The following AGPS variants were observed in gnomAD, a reference collection of about 807,000 sequenced individuals.
The protein encoded by AGPS is alkyldihydroxyacetonephosphate synthase, peroxisomal.
A neutral mutation model predicts 90.7 loss-of-function variants in AGPS; 26 were observed. The ratio of observed to expected loss-of-function variants is 0.29; its 90% CI spans 0.21 to 0.40. The LOEUF (loss-of-function observed/expected upper bound fraction) is 0.40. AGPS is among the 10% of genes least tolerant of loss of function. The pLI, the probability that AGPS is intolerant of heterozygous loss-of-function variation, is 1.00. For synonymous variants in AGPS, 294 were observed against 285.3 expected, an observed-to-expected ratio of 1.03 and a Z score of -0.31; for missense variants, 540 against 816.1, an observed-to-expected ratio of 0.66 and a Z score of 4.12.
chr2:177,437,520 G>A (rs547423762), intron 5 of AGPS, among the ~76,000 whole-genome samples: 2 of 152,198 alleles, frequency 1.3e-5, no homozygotes, highest in East Asian at 3.9e-4. Context: ...ATTAAATTTT[G>A]AGTAATTATT....
chr2:177,533,818 C>G (rs953447386), intron 19 of AGPS, among the ~76,000 whole-genome samples: 3 of 152,146 alleles, frequency 2.0e-5, no homozygotes, highest in African/African-American at 2.4e-5. Context: ...TCAGATCACT[C>G]GTATAAGCAG....
chr2:177,494,513 A>G (rs1226861355), intron 12 of AGPS, among the ~76,000 whole-genome samples: 1 of 152,152 alleles, frequency 6.6e-6, no homozygotes, highest in Non-Finnish European at 1.5e-5. Context: ...TTTATATGTT[A>G]TTGTTGTTGT....
chr2:177,468,501 A>G lies in AGPS; in HGVS notation c.1082A>G (p.His361Arg). 1 of 1,611,534 alleles carries G rather than the reference A, an allele frequency of 6.2e-7. No individual in the cohort carries two copies. The highest frequency in any genetic ancestry group is 1.3e-5 in the African/African-American group (1 of 75,002). Residue 361 changes from histidine (H) to arginine (R), a missense_variant, in exon 10 of 20, where the codon CAT (histidine) becomes CGT (arginine). Coordinates refer to ENST00000264167, the MANE Select transcript of AGPS (RefSeq NM_003659.4). ...CGTATGTCAACAGGCCCTGATATCC[A>G]TCACTTCATCATGGGATCTGAAGGT... The part of the protein sequence containing the change: ...GPRMSTGPDI[H>R]HFIMGSEGTL...
intron 19 of AGPS, among the ~76,000 whole-genome samples, chr2:177,531,634 T>C (rs571859435): frequency 1.2e-3 from 179 of 152,262 alleles, no homozygotes; most frequent in African/African-American, 4.1e-3. Context: ...TTTAAATAGA[T>C]ATAGAAAATA....
intron 1 of AGPS, among the ~76,000 whole-genome samples, chr2:177,414,237 C>G (rs1362919242): frequency 6.6e-6 from 1 of 151,922 alleles, no homozygotes; most frequent in African/African-American, 2.4e-5. Flanking sequence ...GAGACAGGAC[C>G]TCACTCTGTC....
At chr2:177,489,179 G>C (rs1016925205) in intron 11 of AGPS, among the ~76,000 whole-genome samples, 4 of 151,404 alleles carry the variant, frequency 2.6e-5, no homozygotes, top group Non-Finnish European at 4.4e-5. Flanking sequence ...CCGCCTCCCG[G>C]GTTCATGCCA....
At chr2:177,483,420 G>A (rs1197437277) in intron 11 of AGPS, among the ~76,000 whole-genome samples, 1 of 152,108 alleles carries the variant, frequency 6.6e-6, no homozygotes, top group Non-Finnish European at 1.5e-5. Context: ...ACCAGCTGAT[G>A]TGGTAATTTT....
intron 10 of AGPS, among the ~76,000 whole-genome samples, chr2:177,469,011 C>T (rs929064327): frequency 1.3e-5 from 2 of 152,002 alleles, no homozygotes; most frequent in Admixed American, 6.5e-5. Flanking sequence ...TTTCACTACA[C>T]AAATAGTATC....
intron 8 of AGPS, among the ~76,000 whole-genome samples, chr2:177,458,033 A>C (rs1249854921): frequency 6.6e-6 from 1 of 152,240 alleles, no homozygotes; most frequent in East Asian, 1.9e-4. Flanking sequence ...GGCTGGTTCA[A>C]CATATGCAAA....
intron 17 of AGPS, among the ~76,000 whole-genome samples, chr2:177,516,271 G>A: frequency 6.6e-6 from 1 of 151,952 alleles, no homozygotes; most frequent in African/African-American, 2.4e-5. Context: ...AATGTACTTT[G>A]TACATTGGAA....
rs747252484 is a variant in AGPS, at chr2:177,538,059, A to T, written c.1856-15A>T. 7.4e-6 allele frequency: 12 copies of T among 1,612,594 alleles called. No individual in the cohort carries two copies. The African/African-American group carries it at 1.6e-4, about 22-fold the overall frequency. On this transcript the variant is annotated splice_polypyrimidine_tract_variant and intron_variant, in intron 19 of 19. Transcript: ENST00000264167. ...CATAGCATATATTGAAGCATTTTTGATTTTGTTTTTCCAGTGGGCAAGTTA... is the reference window on the plus strand; with the variant it reads ...CATAGCATATATTGAAGCATTTTTGTTTTTGTTTTTCCAGTGGGCAAGTTA...
chr2:177,441,758 C>G (rs550865734), intron 6 of AGPS, among the ~76,000 whole-genome samples: 2 of 152,262 alleles, frequency 1.3e-5, no homozygotes, highest in South Asian at 2.1e-4. Flanking sequence ...GAACAGAGAA[C>G]ATTGTTTTGT....
rs1186035288 is a variant in AGPS, at chr2:177,480,398, T to C, written c.1106-1661T>C. On this transcript the variant is annotated intron_variant, in intron 10 of 19. Coordinates refer to ENST00000264167, the MANE Select transcript of AGPS (RefSeq NM_003659.4). Reference sequence around the variant, plus strand: ...TACACCATGGAATACTATGCAGCCATAAAAAATGATGAGTTCATGTCCTTT... The same window carrying C: ...TACACCATGGAATACTATGCAGCCACAAAAAATGATGAGTTCATGTCCTTT... Among the ~76,000 whole-genome samples, 8 of 152,210 alleles carry C rather than the reference T, an allele frequency of 5.3e-5. No homozygotes were observed. In the East Asian group the frequency reaches 1.5e-3, roughly 29 times the overall value.
intron 1 of AGPS, among the ~76,000 whole-genome samples, chr2:177,409,202 C>CA (rs1300160356): frequency 1.4e-4 from 20 of 147,554 alleles, no homozygotes; most frequent in South Asian, 4.3e-4. Flanking sequence ...TAAAACAAAC[C>CA]AAAAAAAACC....
chr2:177,543,785 T>C lies in AGPS; in HGVS notation c.*5590T>C, dbSNP rs1168513979. 2.6e-5 allele frequency: 4 copies of C among 152,206 alleles called. No homozygotes were observed. Among genetic ancestry groups the C allele is most frequent in the African/African-American group, 9.6e-5 (4 of 41,452 alleles). The allele number at this position is 152,206 out of a possible 1,614,324, so 9.4% of individuals were successfully genotyped here. A position where few individuals can be genotyped will look rare whatever the true frequency, so the allele number is the denominator to read the frequency against. ...GTATTGTTCTATAAGCAAATGCCCA[T>C]GTGTGATTTTTAAGATGTGCTGGGG... On this transcript the variant is annotated 3_prime_UTR_variant, in exon 20 of 20. Transcript: ENST00000264167.
intron 8 of AGPS, among the ~76,000 whole-genome samples, chr2:177,447,123 C>G (rs778693445): frequency 1.3e-5 from 2 of 152,106 alleles, no homozygotes; most frequent in Non-Finnish European, 2.9e-5. Flanking sequence ...AGAGACCCCT[C>G]TCCTCCAAAC....
chr2:177,500,228 T>A (rs1289437292), intron 14 of AGPS, among the ~76,000 whole-genome samples: 1 of 152,022 alleles, frequency 6.6e-6, no homozygotes, highest in Non-Finnish European at 1.5e-5. Context: ...ACAGAAAACA[T>A]TTCACATCTA....
chr2:177,527,688 T>C (rs1445052383), intron 19 of AGPS, among the ~76,000 whole-genome samples: 1 of 152,156 alleles, frequency 6.6e-6, no homozygotes, highest in Non-Finnish European at 1.5e-5. Context: ...GTGTATAAGT[T>C]ATGTGCATTT....
At chr2:177,491,834 G>A (rs1351332376) in intron 11 of AGPS, among the ~76,000 whole-genome samples, 1 of 141,016 alleles carries the variant, frequency 7.1e-6, no homozygotes, top group Non-Finnish European at 1.5e-5. Flanking sequence ...TGCCCAGGCT[G>A]GAGTGCAGTG....
Sources: allele counts gnomAD v4.1 joint callset (sites outside exome capture counted in the v4.1 genomes callset), GRCh38; gene constraint gnomAD v4.1.1; transcripts MANE v1.5; gene names NCBI Gene and HGNC (gene_info 2026-07-23, HGNC 2026-07-21).